The following DMXL1 variants were observed in gnomAD, a reference collection of about 807,000 sequenced individuals.
DMXL1 encodes dmX-like protein 1.
In DMXL1, 99 loss-of-function variants were observed where a neutral mutation model predicts 319.2. That is an observed-to-expected ratio of 0.31 (90% CI 0.26 to 0.37). DMXL1 has a LOEUF of 0.37. Ranked by LOEUF, DMXL1 falls within the 10% of genes least tolerant of loss-of-function variation. The pLI is 1.00. For missense variants in DMXL1, 3,745 were observed against 3,595.6 expected (o/e 1.04, Z -1.06); for synonymous variants, 1,385 against 1,235.2 (o/e 1.12, Z -2.54).
At chr5:119,150,661 T>C (rs1488763286) in intron 18 of DMXL1, among the ~76,000 whole-genome samples, 9 of 151,864 alleles carry the variant, frequency 5.9e-5, no homozygotes, top group Non-Finnish European at 1.0e-4. Flanking sequence ...ATATGGTGCC[T>C]CATGCCTATA....
intron 1 of DMXL1, among the ~76,000 whole-genome samples, chr5:119,085,600 G>A (rs922275760): frequency 6.6e-6 from 1 of 152,114 alleles, no homozygotes; most frequent in East Asian, 1.9e-4. Flanking sequence ...GCAATCTTAA[G>A]GCTGTTCTGA....
chr5:119,226,507 T>C (rs1447631636), intron 38 of DMXL1, among the ~76,000 whole-genome samples: 1 of 152,218 alleles, frequency 6.6e-6, no homozygotes, highest in East Asian at 1.9e-4. Context: ...ACTGTTTCTC[T>C]ATGCTGTCAT....
intron 6 of DMXL1, 114 bp downstream of exon 6, chr5:119,114,655 A>G (rs995854997): frequency 1.3e-6 from 1 of 775,790 alleles, no homozygotes. Context: ...AATAGTTTCC[A>G]TTAAAAATTG....
Position 119,167,598 on chromosome 5 carries a change from T to A in DMXL1, c.5137-5T>A, listed in dbSNP as rs937887585. 6.4e-7 allele frequency: 1 copy of A among 1,554,208 alleles called. No individual in the cohort carries two copies. Among genetic ancestry groups the A allele is most frequent in the Non-Finnish European group, 8.7e-7 (1 of 1,151,172 alleles). On this transcript the variant is annotated splice_polypyrimidine_tract_variant and splice_region_variant and intron_variant, in intron 22 of 43. Transcript: ENST00000539542. ...CTTATTTAAAAACAATATTTTTTTTTAAAGGTATGTCTTGAGAAATTGAAT... is the reference window on the plus strand; with the variant it reads ...CTTATTTAAAAACAATATTTTTTTTAAAAGGTATGTCTTGAGAAATTGAAT...
intron 38 of DMXL1, among the ~76,000 whole-genome samples, chr5:119,226,775 G>A (rs1785652672): frequency 6.6e-6 from 1 of 152,142 alleles, no homozygotes. Context: ...CCCTCCTTGG[G>A]TTTGATTAAT....
chr5:119,199,150 A>G (rs1388328771), intron 32 of DMXL1, among the ~76,000 whole-genome samples: 2 of 152,002 alleles, frequency 1.3e-5, no homozygotes, highest in Non-Finnish European at 2.9e-5. Context: ...AGCCCCCCAA[A>G]GTGCTGGGAT....
chr5:119,127,263 G>C (rs1763801631), intron 9 of DMXL1: 1 of 221,708 alleles, frequency 4.5e-6, no homozygotes, highest in Non-Finnish European at 9.6e-6. Flanking sequence ...ACACCCTTAG[G>C]ATACTGCCTT....
At chr5:119,191,654 T>C (rs1778716951) in intron 29 of DMXL1, among the ~76,000 whole-genome samples, 2 of 152,180 alleles carry the variant, frequency 1.3e-5, no homozygotes, top group South Asian at 4.1e-4. Flanking sequence ...TATCACAACC[T>C]CAAAGTAGTT....
chr5:119,079,425 T>C (rs2149683208), intron 1 of DMXL1, among the ~76,000 whole-genome samples: 1 of 152,328 alleles, frequency 6.6e-6, no homozygotes, highest in African/African-American at 2.4e-5. Flanking sequence ...ACTTTTTTCT[T>C]TCCAGAGTTT....
At chr5:119,165,594 C>T (rs1773256072) in intron 21 of DMXL1, among the ~76,000 whole-genome samples, 1 of 152,198 alleles carries the variant, frequency 6.6e-6, no homozygotes, top group South Asian at 2.1e-4. Context: ...CTAATAAAGA[C>T]ATACCCAAGA....
intron 32 of DMXL1, 149 bp downstream of exon 32, chr5:119,198,105 C>G: frequency 1.4e-6 from 1 of 720,674 alleles, no homozygotes; most frequent in African/African-American, 1.8e-5. Context: ...TCTCCTGCCT[C>G]AGTCTCCTGA....
chr5:119,144,378 T>C (rs546726637), intron 14 of DMXL1, among the ~76,000 whole-genome samples, 158 bp from the exon 15 acceptor site: 1 of 151,998 alleles, frequency 6.6e-6, no homozygotes, highest in East Asian at 1.9e-4. Context: ...TATTCATCTG[T>C]TTAATCTAAT....
At chr5:119,215,188 A>G (rs148507750) in intron 34 of DMXL1, among the ~76,000 whole-genome samples, 195 of 152,318 alleles carry the variant, frequency 1.3e-3, no homozygotes, top group Admixed American at 2.5e-3. Flanking sequence ...TTAGATTAGA[A>G]TATATTTGAC....
At chr5:119,089,292 ATTT>A (rs1157921856) in intron 1 of DMXL1, among the ~76,000 whole-genome samples, 7 of 39,874 alleles carry the variant, frequency 1.8e-4, no homozygotes, top group South Asian at 1.3e-3. Flanking sequence ...ATATATATAT[ATTT>A]TTTTTTTTTT....
chr5:119,221,372 T>C (rs1784620124), intron 37 of DMXL1, among the ~76,000 whole-genome samples: 1 of 152,204 alleles, frequency 6.6e-6, no homozygotes, highest in Non-Finnish European at 1.5e-5. Context: ...TCCCCATAGA[T>C]CAAATATTAC....
intron 34 of DMXL1, among the ~76,000 whole-genome samples, chr5:119,213,368 A>T (rs538581645): frequency 1.1e-4 from 16 of 152,090 alleles, no homozygotes; most frequent in Admixed American, 7.9e-4. Context: ...CAGAACTTTC[A>T]CTTGTGCACA....
intron 1 of DMXL1, among the ~76,000 whole-genome samples, chr5:119,091,639 C>G (rs1222449825): frequency 2.0e-5 from 3 of 152,172 alleles, no homozygotes; most frequent in Non-Finnish European, 4.4e-5. Context: ...GCCACTGCCC[C>G]TTTTTAGGCT....
chr5:119,096,740 T>C (rs1012450446), intron 1 of DMXL1, among the ~76,000 whole-genome samples: 4 of 152,140 alleles, frequency 2.6e-5, no homozygotes, highest in East Asian at 1.9e-4. Flanking sequence ...TGTTGTAAAA[T>C]TGAAAAAGAG....
intron 38 of DMXL1, among the ~76,000 whole-genome samples, chr5:119,229,679 C>A (rs1199632836): frequency 6.6e-6 from 1 of 152,096 alleles, no homozygotes; most frequent in Admixed American, 6.5e-5. Context: ...TCCTGACATA[C>A]AAAATTATTT....
Sources: gnomAD v4.1 joint callset for allele counts (sites outside exome capture counted in the v4.1 genomes callset) on GRCh38, gnomAD v4.1.1 for gene constraint, MANE v1.5 for transcripts, NCBI Gene and HGNC (gene_info 2026-07-23, HGNC 2026-07-21) for gene names.